Variants in FRMPD1 observed in about 807,000 individuals in gnomAD.
The protein encoded by FRMPD1 is FERM and PDZ domain containing 1.
A neutral mutation model predicts 117.8 loss-of-function variants in FRMPD1; 76 were observed. That is an observed-to-expected ratio of 0.65 (90% CI 0.54 to 0.78). The LOEUF is 0.78. Ranked by LOEUF, FRMPD1 falls within the 30% of genes least tolerant of loss-of-function variation. FRMPD1 has a pLI of 0.00. For missense variants in FRMPD1, 1,786 were observed against 1,964.5 expected, an observed-to-expected ratio of 0.91 and a Z score of 1.72; for synonymous variants, 783 against 770.4, an observed-to-expected ratio of 1.02 and a Z score of -0.27.
rs777692568 is a variant in FRMPD1 at position 37,745,763 on chromosome 9, G to T, written c.3731G>T (p.Ser1244Ile). ...GGGCAAGATATAGCCCCTAGGGACA[G>T]CCCTGAGTGGGTCTGTTTTAATCCT... ...VTGQDIAPRD[S>I]PEWVCFNPEP... is the part of the protein sequence containing the mutation. Residue 1244 changes from serine (S) to isoleucine (I), a missense_variant, in exon 16 of 16, where the codon AGC becomes ATC. Ser to Ile is a moderately radical substitution (Grantham distance 142). Coordinates refer to ENST00000377765, the MANE Select transcript of FRMPD1 (RefSeq NM_014907.3). 2.5e-6 allele frequency: 4 copies of T among 1,614,208 alleles called. 1 individual carries two copies. In the South Asian group the frequency reaches 4.4e-5, roughly 18 times the overall value.
At chr9:37,650,001 T>G (rs1421535237), upstream of FRMPD1, among the ~76,000 whole-genome samples, 1 of 152,142 alleles carries the variant, frequency 6.6e-6, no homozygotes, top group East Asian at 1.9e-4. Context: ...AGGCCTTCAC[T>G]CAGTCAGTGC....
chr9:37,616,287 T>C, the FRMPD1 span, among the ~76,000 whole-genome samples: 149 of 143,184 alleles, frequency 1.0e-3, no homozygotes, highest in Non-Finnish European at 1.7e-3. Context: ...CCGGCTAATT[T>C]TGTATTTTTA....
chr9:37,610,831 A>G, the FRMPD1 span, among the ~76,000 whole-genome samples: 1 of 152,034 alleles, frequency 6.6e-6, no homozygotes, highest in African/African-American at 2.4e-5. Context: ...CGAACTCCCA[A>G]CCTCAGGTGA....
chr9:37,736,223 G>A (rs368312685), intron 13 of FRMPD1, among the ~76,000 whole-genome samples: 5 of 151,818 alleles, frequency 3.3e-5, no homozygotes, highest in African/African-American at 9.7e-5. Context: ...GGATGGTCTC[G>A]ATCTCCTGAC....
intron 2 of FRMPD1, among the ~76,000 whole-genome samples, chr9:37,701,833 C>A (rs1822544707): frequency 6.6e-6 from 1 of 152,020 alleles, no homozygotes; most frequent in African/African-American, 2.4e-5. Context: ...GTGGGGAGAC[C>A]AGTTAGCAGC....
At chr9:37,611,871 G>A in the FRMPD1 span, among the ~76,000 whole-genome samples, 421 of 152,128 alleles carry the variant, frequency 2.8e-3, 1 homozygote, top group Admixed American at 4.5e-3. Flanking sequence ...ATCTTAGAAT[G>A]TGCAGCATTT....
At chr9:37,623,939 A>C in the FRMPD1 span, among the ~76,000 whole-genome samples, 1 of 152,188 alleles carries the variant, frequency 6.6e-6, no homozygotes, top group Non-Finnish European at 1.5e-5. Flanking sequence ...TCGGGGTATT[A>C]GATTTATTTT....
Position 37,740,847 on chromosome 9 carries a change from C to G in FRMPD1, c.2319C>G (p.Asp773Glu). 1.2e-6 allele frequency: 2 copies of G among 1,614,124 alleles called. No individual in the cohort carries two copies. Among genetic ancestry groups the G allele is most frequent in the Non-Finnish European group, 1.7e-6 (2 of 1,179,998 alleles). The change falls in exon 15 of 16, where the codon GAC (aspartate) becomes GAG (glutamate). Residue 773 changes from aspartate (D) to glutamate (E), a missense_variant. Transcript: ENST00000377765. This position sits in a 1 kb window ranked among gnomAD's most constrained non-coding sequence, Gnocchi z 4.2. ...GCAGCTCAGATGAGGAATACTATGA[C>G]GCGGCTGATAAGCTCACTCCCCCAG... ...EDGSSDEEYY[D>E]AADKLTPPGP...
chr9:37,644,652 T>C, the FRMPD1 span, among the ~76,000 whole-genome samples: 2 of 152,144 alleles, frequency 1.3e-5, no homozygotes, highest in Non-Finnish European at 2.9e-5. Context: ...TCCCCAACAA[T>C]AGAGCTCAGT....
intron 1 of FRMPD1, among the ~76,000 whole-genome samples, chr9:37,664,131 T>C (rs1348181087): frequency 3.3e-5 from 5 of 152,216 alleles, no homozygotes; most frequent in Admixed American, 2.0e-4. Flanking sequence ...CTGACTCACC[T>C]GCTGGAACTG....
At chr9:37,726,433 C>T (rs1823619464) in intron 7 of FRMPD1, among the ~76,000 whole-genome samples, 1 of 152,198 alleles carries the variant, frequency 6.6e-6, no homozygotes, top group African/African-American at 2.4e-5. Flanking sequence ...TGCAGTGGCT[C>T]ATGCCTGTAA....
upstream of FRMPD1, among the ~76,000 whole-genome samples, chr9:37,647,337 G>A (rs748942527): frequency 9.2e-5 from 14 of 151,608 alleles, no homozygotes; most frequent in Non-Finnish European, 1.9e-4. Context: ...GTGAAACCCC[G>A]TCTCTACTAA....
the FRMPD1 span, among the ~76,000 whole-genome samples, chr9:37,621,746 G>T: frequency 6.6e-6 from 1 of 152,196 alleles, no homozygotes; most frequent in African/African-American, 2.4e-5. Flanking sequence ...CTATAGGGGA[G>T]AGCCAGTGTG....
intron 6 of FRMPD1, among the ~76,000 whole-genome samples, chr9:37,723,221 C>T (rs1318262391): frequency 1.3e-5 from 2 of 152,222 alleles, no homozygotes; most frequent in East Asian, 3.9e-4. Context: ...TCTGAAAGGC[C>T]CATGTTGAAC....
At chr9:37,634,516 C>T in the FRMPD1 span, among the ~76,000 whole-genome samples, 1 of 152,180 alleles carries the variant, frequency 6.6e-6, no homozygotes, top group East Asian at 1.9e-4. Context: ...TGCAAACTTC[C>T]TTCTCATAAT....
At chr9:37,741,920 T>A (rs1824441791) in intron 15 of FRMPD1, among the ~76,000 whole-genome samples, 1 of 152,254 alleles carries the variant, frequency 6.6e-6, no homozygotes, top group African/African-American at 2.4e-5. Context: ...TTTCCCAGGC[T>A]TCCCAGGCCA....
Position 37,740,725 on chromosome 9 carries a change from G to A in FRMPD1, c.2197G>A (p.Ala733Thr), listed in dbSNP as rs1285125208. The stretch of plus-strand genomic sequence containing the variant: ...GAGTACAGCTTCCCGGCAAGGGGGA[G>A]CCCCGCCAGCCTGGGGTCAGCAGGG... Reference protein sequence around the residue: ...SESTASRQGGAPPAWGQQGWT... With the variant: ...SESTASRQGGTPPAWGQQGWT... Residue 733 changes from alanine (A) to threonine (T), a missense_variant, in exon 15 of 16, where the codon GCC becomes ACC. Coordinates refer to ENST00000377765, the MANE Select transcript of FRMPD1 (RefSeq NM_014907.3). The surrounding 1 kb of genome is among the most constrained non-coding windows in gnomAD (Gnocchi z 4.2). 6.2e-7 allele frequency: 1 copy of A among 1,614,038 alleles called. No individual in the cohort carries two copies. Among genetic ancestry groups the A allele is most frequent in the Non-Finnish European group, 8.5e-7 (1 of 1,179,982 alleles).
At chr9:37,656,606 A>G (rs951027279) in intron 1 of FRMPD1, among the ~76,000 whole-genome samples, 19 of 152,214 alleles carry the variant, frequency 1.2e-4, no homozygotes, top group African/African-American at 4.3e-4. Context: ...CACTAAACTT[A>G]ATATATGTTC....
At chr9:37,613,268 T>C in the FRMPD1 span, among the ~76,000 whole-genome samples, 2 of 152,160 alleles carry the variant, frequency 1.3e-5, no homozygotes, top group African/African-American at 4.8e-5. Context: ...ACTGAGCACC[T>C]ACTATGTATG....
Sources: allele counts gnomAD v4.1 joint callset (sites outside exome capture counted in the v4.1 genomes callset), GRCh38; gene constraint gnomAD v4.1.1; non-coding constraint Gnocchi (gnomAD v3.1); transcripts MANE v1.5; gene names NCBI Gene and HGNC (gene_info 2026-07-23, HGNC 2026-07-21).